Variants in SORL1 observed in about 807,000 individuals in gnomAD.
SORL1 encodes the protein sortilin-related receptor.
Under a neutral mutation model 273.7 loss-of-function variants are expected in SORL1, and 127 were observed. The observed-to-expected ratio is 0.46, with a 90% CI of 0.40 to 0.54. SORL1 has a LOEUF of 0.54. Ranked by LOEUF, SORL1 falls within the 20% of genes least tolerant of loss-of-function variation. SORL1 has a pLI of 0.00. For synonymous variants in SORL1, 1,031 were observed against 1,067.4 expected, an observed-to-expected ratio of 0.97 and a Z score of 0.66; for missense variants, 2,494 against 2,846.1, an observed-to-expected ratio of 0.88 and a Z score of 2.81.
In SORL1 at chr11:121,557,413, T is replaced by G; in HGVS notation, c.2663+8T>G. 3 of 1,605,394 alleles carry G rather than the reference T, an allele frequency of 1.9e-6. No individual in the cohort carries two copies. Among genetic ancestry groups the G allele is most frequent in the Non-Finnish European group, 2.6e-6 (3 of 1,172,010 alleles). ...CCTCGTGCCCCAAGAGGGGTAAGTG[T>G]TGCCCCAAAAGGAAATCAGTCTTGC... On this transcript the variant is annotated splice_region_variant and intron_variant, in intron 19 of 47. Transcript: ENST00000260197.
At chr11:121,577,064 T>C in intron 24 of SORL1, 1 of 1,117,542 alleles carries the variant, frequency 8.9e-7, no homozygotes, top group Non-Finnish European at 1.3e-6. Flanking sequence ...GGTCTGAGGG[T>C]CTCAGAATCT....
chr11:121,496,440 A>G (rs1442942016), intron 5 of SORL1, among the ~76,000 whole-genome samples: 7 of 152,198 alleles, frequency 4.6e-5, no homozygotes. Flanking sequence ...TCAGAGGTTC[A>G]TGGTGTGGTT....
intron 41 of SORL1, among the ~76,000 whole-genome samples, chr11:121,618,280 C>T (rs866599244): frequency 1.3e-5 from 2 of 152,198 alleles, no homozygotes; most frequent in Non-Finnish European, 2.9e-5. Context: ...GACAGCCAGC[C>T]GTGTCTGCTC....
At chr11:121,574,393 C>T in intron 24 of SORL1, 30 bp downstream of exon 24, 1 of 1,608,110 alleles carries the variant, frequency 6.2e-7, no homozygotes, top group Admixed American at 1.7e-5. Flanking sequence ...TGAAACCCTG[C>T]TCTGGAGAGG....
In SORL1 at chr11:121,596,317, C is replaced by T. The variant is rs565225487; in HGVS notation, c.4519+545C>T. ...TGTGAGGTGATGCATGCATTCTCTA[C>T]GGGTTTGGAGTTGGTGGGTCCTGGT... is the stretch of plus-strand genomic sequence containing the variant. On this transcript the variant is annotated intron_variant, in intron 32 of 47. Coordinates refer to ENST00000260197, the MANE Select transcript of SORL1 (RefSeq NM_003105.6). This position sits in a 1 kb window ranked among gnomAD's most constrained non-coding sequence, Gnocchi z 4.3. Among the ~76,000 whole-genome samples the T allele has an allele frequency of 4.3e-4, 65 of 152,304 alleles. No homozygotes were observed. Among genetic ancestry groups the T allele is most frequent in the African/African-American group, 1.3e-3 (52 of 41,558 alleles).
In SORL1 at chr11:121,522,597, C is replaced by A. The variant is rs1862056715; in HGVS notation, c.1416C>A (p.Gly472=). 6.2e-7 allele frequency: 1 copy of A among 1,613,678 alleles called. No individual in the cohort carries two copies. Among genetic ancestry groups the A allele is most frequent in the Non-Finnish European group, 8.5e-7 (1 of 1,179,552 alleles). ...GEKINCELSQ[G]CSLHLAQRLS... ...CTTTGGTTGTATAGCTTTCCCAGGG[C>A]TGTTCCCTTCATCTGGCTCAGCGCC... Residue 472 remains glycine, a synonymous_variant, in exon 10 of 48, where the codon GGC becomes GGA. Coordinates refer to ENST00000260197, the MANE Select transcript of SORL1 (RefSeq NM_003105.6).
intron 24 of SORL1, among the ~76,000 whole-genome samples, chr11:121,575,094 A>G (rs527818002): frequency 2.0e-5 from 3 of 152,356 alleles, no homozygotes; most frequent in Non-Finnish European, 4.4e-5. Context: ...AAGGAATGAT[A>G]GAGATTCTCT....
chr11:121,497,792 G>A (rs957875869), intron 6 of SORL1, among the ~76,000 whole-genome samples: 3 of 152,224 alleles, frequency 2.0e-5, no homozygotes, highest in Non-Finnish European at 4.4e-5. Flanking sequence ...TTGCTTTCCT[G>A]ATGGTGCCCT....
chr11:121,486,636 T>A (rs905317312), intron 3 of SORL1, among the ~76,000 whole-genome samples: 1 of 151,760 alleles, frequency 6.6e-6, no homozygotes, highest in Non-Finnish European at 1.5e-5. Context: ...CCCACCACCA[T>A]GCCCGGCTAA....
chr11:121,568,002 G>C (rs1318088629), intron 22 of SORL1, among the ~76,000 whole-genome samples: 1 of 152,168 alleles, frequency 6.6e-6, no homozygotes, highest in Non-Finnish European at 1.5e-5. Flanking sequence ...CTGGGCTCAA[G>C]GGATCCTCCT....
chr11:121,550,573 G>C lies in SORL1; in HGVS notation c.2181-12G>C. Reference sequence around the variant, plus strand: ...ATGTTTCTGACCTCTTGCTCTTGGGGTGGGGTGACAGCTACCGGAAGATTT... The same window carrying C: ...ATGTTTCTGACCTCTTGCTCTTGGGCTGGGGTGACAGCTACCGGAAGATTT... On this transcript the variant is annotated splice_polypyrimidine_tract_variant and intron_variant, in intron 15 of 47. Transcript: ENST00000260197. This position sits in a 1 kb window ranked among gnomAD's most constrained non-coding sequence, Gnocchi z 5.3. The C allele has an allele frequency of 6.2e-7, 1 of 1,613,688 alleles. No homozygotes were observed. The highest frequency in any genetic ancestry group is 1.1e-5 in the South Asian group (1 of 91,074).
At chr11:121,571,023 C>T (rs1418842484) in intron 23 of SORL1, among the ~76,000 whole-genome samples, 1 of 152,228 alleles carries the variant, frequency 6.6e-6, no homozygotes, top group Non-Finnish European at 1.5e-5. Flanking sequence ...AGTTGCTATA[C>T]ACCCTGTGTT....
In SORL1 at chr11:121,618,957, C is replaced by T. The variant is rs1863681871; in HGVS notation, c.5724+64C>T. ...CTTAAGTCCTGGGCTCTGGTCTCAA[C>T]CCAGGACCTGGGGAGCTTGCATACC... On this transcript the variant is annotated intron_variant, in intron 42 of 47. Coordinates refer to ENST00000260197, the MANE Select transcript of SORL1 (RefSeq NM_003105.6). 3.2e-6 allele frequency: 5 copies of T among 1,586,076 alleles called. 1 individual carries two copies. In the Admixed American group the frequency reaches 5.1e-5, roughly 16 times the overall value.
intron 29 of SORL1, among the ~76,000 whole-genome samples, chr11:121,589,811 G>C (rs1359434309): frequency 6.6e-6 from 1 of 152,206 alleles, no homozygotes; most frequent in Non-Finnish European, 1.5e-5. Context: ...TCAGGATATT[G>C]TAGTATAGAT....
Position 121,566,952 on chromosome 11 carries a change from G to C in SORL1, c.3062G>C (p.Cys1021Ser). 6.2e-7 allele frequency: 1 copy of C among 1,613,544 alleles called. No homozygotes were observed. ...GTCTTCCCTCCAGGAAGCAATGCCT[G>C]TGTGCCCAGGCCATGCAGCCTGCTG... ...YKGKNTGSNA[C>S]VPRPCSLLCL... Residue 1021 changes from cysteine (C) to serine (S), a missense_variant, in exon 22 of 48, where the codon TGT becomes TCT. Transcript: ENST00000260197.
chr11:121,569,441 T>C (rs1862803204), intron 22 of SORL1, among the ~76,000 whole-genome samples: 1 of 152,206 alleles, frequency 6.6e-6, no homozygotes, highest in Non-Finnish European at 1.5e-5. Flanking sequence ...ATCGCTGAAT[T>C]CTTTTTCCCA....
chr11:121,558,823 A>C lies in SORL1; in HGVS notation c.2896A>C (p.Ile966Leu). 4 of 1,614,032 alleles carry C rather than the reference A, an allele frequency of 2.5e-6. No individual in the cohort carries two copies. Among genetic ancestry groups the C allele is most frequent in the Non-Finnish European group, 3.4e-6 (4 of 1,179,994 alleles). ...GGACAACCTCCCGCACCCCTATGCC[A>C]TTGCTGTCTTTAAGGTGAGTCCATT... ...ILDNLPHPYA[I>L]AVFKNEIYWD... Residue 966 changes from isoleucine to leucine, a missense_variant, in exon 20 of 48, where the codon ATT (isoleucine) becomes CTT (leucine). By Grantham distance (5) the Ile-to-Leu change is conservative (BLOSUM62 2). Transcript: ENST00000260197.
intron 2 of SORL1, among the ~76,000 whole-genome samples, chr11:121,474,651 A>G (rs1366832241): frequency 1.3e-5 from 2 of 152,218 alleles, no homozygotes; most frequent in Admixed American, 6.5e-5. Flanking sequence ...AGAGGGGACT[A>G]TTTAGTGCAG....
At chr11:121,482,493 T>G (rs1436126040) in intron 3 of SORL1, among the ~76,000 whole-genome samples, 1 of 152,192 alleles carries the variant, frequency 6.6e-6, no homozygotes, top group African/African-American at 2.4e-5. Context: ...TCTCTGTAGA[T>G]AGTTTCTAAT....
Sources: gnomAD v4.1 joint callset for allele counts (sites outside exome capture counted in the v4.1 genomes callset) on GRCh38, gnomAD v4.1.1 for gene constraint, Gnocchi (gnomAD v3.1) non-coding constraint, MANE v1.5 for transcripts, NCBI Gene and HGNC (gene_info 2026-07-23, HGNC 2026-07-21) for gene names.